The following ANTXR1 variants were observed in gnomAD, a reference collection of about 807,000 sequenced individuals.
ANTXR1 encodes the protein ANTXR cell adhesion molecule 1, also known as anthrax toxin receptor 1.
A neutral mutation model predicts 78.1 loss-of-function variants in ANTXR1; 19 were observed. The observed-to-expected ratio is 0.24, with a 90% CI of 0.17 to 0.36. The LOEUF is 0.36. Ranked by LOEUF, ANTXR1 falls within the 10% of genes least tolerant of loss-of-function variation. The pLI, the probability that ANTXR1 is intolerant of heterozygous loss-of-function variation, is 1.00. For missense variants in ANTXR1, 518 were observed against 718.6 expected (o/e 0.72, Z 3.19); for synonymous variants, 273 against 260.5 (o/e 1.05, Z -0.46).
At chr2:69,064,709 C>G (rs374583598) in intron 3 of ANTXR1, among the ~76,000 whole-genome samples, 16 of 152,190 alleles carry the variant, frequency 1.1e-4, no homozygotes, top group Non-Finnish European at 1.8e-4. Context: ...GGATATTAGA[C>G]AAAGCTGACT....
chr2:69,199,567 G>C (rs1674726778), intron 17 of ANTXR1, among the ~76,000 whole-genome samples: 1 of 152,146 alleles, frequency 6.6e-6, no homozygotes, highest in Non-Finnish European at 1.5e-5. Flanking sequence ...TTCAAACACA[G>C]AAACATAAGG....
chr2:69,044,676 G>A, intron 2 of ANTXR1, 66 bp from the exon 3 acceptor site: 2 of 1,526,212 alleles, frequency 1.3e-6, no homozygotes, highest in Non-Finnish European at 1.8e-6. Flanking sequence ...GACAGGGAGG[G>A]AGCCTGAAGG....
intron 17 of ANTXR1, among the ~76,000 whole-genome samples, chr2:69,210,632 T>C (rs1195880393): frequency 6.6e-6 from 1 of 152,026 alleles, no homozygotes; most frequent in Non-Finnish European, 1.5e-5. Context: ...GGGAGGAAAA[T>C]TGTACGTAAG....
At chr2:69,128,061 C>A (rs183212475) in intron 12 of ANTXR1, among the ~76,000 whole-genome samples, 62 of 152,134 alleles carry the variant, frequency 4.1e-4, no homozygotes, top group African/African-American at 1.4e-3. Context: ...TCTGCCTCTA[C>A]TAAAATACAA....
chr2:69,141,240 G>A (rs921698141), intron 12 of ANTXR1, among the ~76,000 whole-genome samples: 2 of 152,206 alleles, frequency 1.3e-5, no homozygotes, highest in African/African-American at 4.8e-5. Context: ...TAGAAGGAAA[G>A]GGAGGATGGA....
At chr2:69,064,986 A>G (rs1378169934) in intron 3 of ANTXR1, among the ~76,000 whole-genome samples, 1 of 152,240 alleles carries the variant, frequency 6.6e-6, no homozygotes, top group East Asian at 1.9e-4. Flanking sequence ...TATTAAGCTC[A>G]AAATAAGTAG....
intron 17 of ANTXR1, 150 bp downstream of exon 17, chr2:69,193,565 G>C: frequency 1.4e-6 from 1 of 709,826 alleles, no homozygotes; most frequent in Non-Finnish European, 2.5e-6. Context: ...AATAACTCCA[G>C]ATTTACAAAT....
intron 1 of ANTXR1, among the ~76,000 whole-genome samples, chr2:69,039,052 G>T (rs1294868413): frequency 6.6e-6 from 1 of 152,110 alleles, no homozygotes; most frequent in Non-Finnish European, 1.5e-5. Flanking sequence ...GAAATCAGTG[G>T]AAAATGTTTG....
At chr2:69,067,104 T>C (rs1422331676) in intron 3 of ANTXR1, among the ~76,000 whole-genome samples, 1 of 152,134 alleles carries the variant, frequency 6.6e-6, no homozygotes, top group Non-Finnish European at 1.5e-5. Flanking sequence ...CCATCCATTT[T>C]GTTTGCTTAG....
chr2:69,127,578 CAGACAG>C, intron 12 of ANTXR1, among the ~76,000 whole-genome samples: 1 of 152,186 alleles, frequency 6.6e-6, no homozygotes. Flanking sequence ...TGGCTGAAGG[CAGACAG>C]AGACAAAGAT....
intron 10 of ANTXR1, among the ~76,000 whole-genome samples, chr2:69,104,433 A>C (rs1671738539): frequency 1.3e-5 from 2 of 152,196 alleles, no homozygotes; most frequent in Non-Finnish European, 2.9e-5. Context: ...AGTTTTCTTA[A>C]TATTTGGAAA....
chr2:69,037,373 G>A (rs1461372670), intron 1 of ANTXR1, among the ~76,000 whole-genome samples: 4 of 152,188 alleles, frequency 2.6e-5, no homozygotes, highest in African/African-American at 4.8e-5. Context: ...AGGTGGACAC[G>A]GTGGCCCTGA....
At chr2:69,211,523 G>A (rs1675044122) in intron 17 of ANTXR1, among the ~76,000 whole-genome samples, 2 of 152,214 alleles carry the variant, frequency 1.3e-5, no homozygotes, top group Non-Finnish European at 2.9e-5. Context: ...GTGTTTTGTG[G>A]AATAATTATT....
At chr2:69,081,973 A>G (rs1266511880) in intron 8 of ANTXR1, among the ~76,000 whole-genome samples, 1 of 152,268 alleles carries the variant, frequency 6.6e-6, no homozygotes, top group Non-Finnish European at 1.5e-5. Flanking sequence ...CAGCACAGTG[A>G]GTAGTGATCC....
At chr2:69,120,672 A>ATAAT (rs1395661247) in intron 10 of ANTXR1, among the ~76,000 whole-genome samples, 1 of 146,742 alleles carries the variant, frequency 6.8e-6, no homozygotes, top group Non-Finnish European at 1.5e-5. Context: ...TCAGAAAAAA[A>ATAAT]AGATAATAAT....
chr2:69,013,211 G>T lies in ANTXR1; in HGVS notation c.-289G>T, dbSNP rs13390812. On this transcript the variant is annotated 5_prime_UTR_variant, in exon 1 of 18. Coordinates refer to ENST00000303714, the MANE Select transcript of ANTXR1 (RefSeq NM_032208.3). The surrounding 1 kb of genome is among the most constrained non-coding windows in gnomAD (Gnocchi z 5.0). ...TCCTTCCATTGCAAAAGCTCGGCGC[G>T]GCCTCGGGAGCTGCCCGGCGGCCCC... The T allele has an allele frequency of 0.015, 6,791 of 463,266 alleles. 394 individuals carry two copies. The highest frequency in any genetic ancestry group is 0.13 in the African/African-American group (6,103 of 48,256). 28.7% of individuals were successfully genotyped at this position (463,266 alleles called of 1,614,324 possible).
At chr2:69,115,808 A>G (rs1053609938) in intron 10 of ANTXR1, among the ~76,000 whole-genome samples, 1 of 152,222 alleles carries the variant, frequency 6.6e-6, no homozygotes, top group African/African-American at 2.4e-5. Flanking sequence ...CTGTAACAAT[A>G]CCAGGTCAGG....
At chr2:69,115,061 G>GT (rs1672097283) in intron 10 of ANTXR1, among the ~76,000 whole-genome samples, 1 of 152,300 alleles carries the variant, frequency 6.6e-6, no homozygotes, top group East Asian at 1.9e-4. Flanking sequence ...TAGCTGGGGA[G>GT]TGGGGAGGGG....
intron 8 of ANTXR1, among the ~76,000 whole-genome samples, chr2:69,088,946 C>T (rs138589251): frequency 1.3e-5 from 2 of 152,204 alleles, no homozygotes; most frequent in African/African-American, 2.4e-5. Flanking sequence ...CATGGGAGTC[C>T]GGAGCATTCC....
Sources: gnomAD v4.1 joint callset for allele counts (sites outside exome capture counted in the v4.1 genomes callset) on GRCh38, gnomAD v4.1.1 for gene constraint, Gnocchi (gnomAD v3.1) non-coding constraint, MANE v1.5 for transcripts, NCBI Gene and HGNC (gene_info 2026-07-23, HGNC 2026-07-21) for gene names.